The following PNCK variants were observed in gnomAD, a reference collection of about 807,000 sequenced individuals.
PNCK encodes calcium/calmodulin-dependent protein kinase type 1B.
In PNCK, 21 loss-of-function variants were observed where a neutral mutation model predicts 28.3. The ratio of observed to expected loss-of-function variants is 0.74; its 90% confidence interval spans 0.53 to 1.07. PNCK has a LOEUF of 1.07. PNCK is among the 50% of genes least tolerant of loss of function. PNCK has a pLI of 0.00. For missense variants in PNCK, 250 were observed against 298.3 expected, an observed-to-expected ratio of 0.84 and a Z score of 1.19; for synonymous variants, 136 against 125.2, an observed-to-expected ratio of 1.09 and a Z score of -0.58.
intron 11 of PNCK, 138 bp from the exon 12 acceptor site, chrX:153,670,268 C>T: frequency 1.6e-6 from 1 of 614,905 alleles, no homozygotes; most frequent in Non-Finnish European, 2.5e-6. Context: ...ATGTCAAGCA[C>T]CCACTGGCCC....
Position 153,672,712 on chromosome X carries a change from G to A in PNCK, c.69-15C>T. ...AGAAGGCACCCCTGCCGCAGACGGG[G>A]CGGTGGGAGGTGGGAAGGAAGTGGG... On this transcript the variant is annotated splice_polypyrimidine_tract_variant and intron_variant, in intron 2 of 11. Transcript: ENST00000340888. 1 of 1,192,724 alleles carries A rather than the reference G, an allele frequency of 8.4e-7. No homozygotes were observed. Among genetic ancestry groups the A allele is most frequent in the Non-Finnish European group, 1.1e-6 (1 of 889,393 alleles).
chrX:153,671,302 G>A lies in PNCK; in HGVS notation c.597C>T (p.Gly199=), dbSNP rs781838608. ...YGKAVDVWAL[G]VISYILLCGY... is the part of the protein sequence containing the mutation. ...TCACTCACAGGATGTAGGAGATGAC[G>A]CCCAGGGCCCACACATCTACGGCCT... Residue 199 remains glycine, a synonymous_variant, in exon 7 of 12, where the codon GGC becomes GGT. Coordinates refer to ENST00000340888, the MANE Select transcript of PNCK (RefSeq NM_001366977.1). 6 of 1,208,441 alleles carry A rather than the reference G, an allele frequency of 5.0e-6. No homozygotes were observed. Among genetic ancestry groups the A allele is most frequent in the Non-Finnish European group, 6.7e-6 (6 of 894,086 alleles).
chrX:153,683,243 C>T (rs1458259128), intron 1 of PNCK, among the ~76,000 whole-genome samples: 4 of 111,503 alleles, frequency 3.6e-5, no homozygotes, highest in Non-Finnish European at 5.6e-5. Flanking sequence ...CAGGTTCAAG[C>T]GATTCTCCTG....
rs201271892 is a variant in PNCK, at chrX:153,671,823, AAGGC to A, written c.414+53_414+56del. ...CCCCAGCCGTGCTCCCGGGAAAACA[AAGGC>A]AGGGCCAGGTGGGCAGGTGGGAGGG... On this transcript the variant is annotated intron_variant, in intron 5 of 11. Transcript: ENST00000340888. 5,875 of 1,190,370 alleles carry A rather than the reference AAGGC, an allele frequency of 4.9e-3. 189 individuals are homozygous for A. The African/African-American group carries it at 0.088, about 18-fold the overall frequency.
chrX:153,677,355 A>G (rs1256702182), upstream of PNCK, among the ~76,000 whole-genome samples: 3 of 109,892 alleles, frequency 2.7e-5, no homozygotes, highest in African/African-American at 1.0e-4. Flanking sequence ...CTCATCCCTT[A>G]TATTTCCTGA....
chrX:153,673,696 G>A (rs1334463746), intron 1 of PNCK, 84 bp downstream of exon 1: 4 of 541,479 alleles, frequency 7.4e-6, no homozygotes, highest in East Asian at 1.8e-4. Context: ...GGTGTGCTGC[G>A]GACGCGCAAG....
At position 153,672,568 on chromosome X, in the gene PNCK, A is replaced by G; in HGVS notation, c.198T>C (p.Arg66=). 8.3e-7 allele frequency: 1 copy of G among 1,205,630 alleles called. No individual in the cohort carries two copies. The highest frequency in any genetic ancestry group is 1.1e-6 in the Non-Finnish European group (1 of 895,021). Residue 66 remains arginine (R), a splice_region_variant and synonymous_variant, in exon 3 of 12, where the codon CGT becomes CGC. Transcript: ENST00000340888. ...ALVENEIAVL[R]RISHPNIVAL... is the part of the protein sequence containing the mutation. ...CCAGGGCCCCGCGAGGTGCGCACCT[A>G]CGGAGCACTGCGATCTCGTTCTCCA...
intron 1 of PNCK, chrX:153,687,125 G>C (rs2266866): frequency 0.11 from 15,098 of 138,203 alleles, 724 homozygotes; most frequent in South Asian, 0.2. Context: ...GCTCTTGCTA[G>C]GGAGGCCTGG....
In PNCK at chrX:153,669,860, G is replaced by T. The variant is rs1557039025; in HGVS notation, c.*278C>A. The T allele has an allele frequency of 2.9e-6, 1 of 342,644 alleles. No individual in the cohort carries two copies. The highest frequency in any genetic ancestry group is 5.9e-6 in the Non-Finnish European group (1 of 170,235). The allele number at this position is 342,644 out of a possible 1,213,427, so 28.2% of individuals were successfully genotyped here. A position where few individuals can be genotyped will look rare whatever the true frequency, so the allele number is the denominator to read the frequency against. On this transcript the variant is annotated 3_prime_UTR_variant, in exon 12 of 12. Transcript: ENST00000340888. ...GCCGTGCAGGAAAGACAGCCCCTGAGGCCCGCCTGCCAGCACCCCCTCGGC... is the reference window on the plus strand; with the variant it reads ...GCCGTGCAGGAAAGACAGCCCCTGATGCCCGCCTGCCAGCACCCCCTCGGC...
rs1448524809 is a variant in PNCK, at chrX:153,673,322, A to T, written c.-2-244T>A. 5 of 1,148,865 alleles carry T rather than the reference A, an allele frequency of 4.4e-6. No individual in the cohort carries two copies. The Admixed American group carries it at 1.4e-4, about 31-fold the overall frequency. The allele number at this position is 1,148,865 out of a possible 1,213,427, so 94.7% of individuals were successfully genotyped here. On this transcript the variant is annotated intron_variant, in intron 1 of 11. Coordinates refer to ENST00000340888, the MANE Select transcript of PNCK (RefSeq NM_001366977.1). ...CACCCTCCCCCGCACCCCGAAGGCG[A>T]CCAGCGCCTGGATGCTGCCTCTCTG...
At chrX:153,678,795 C>A (rs6643760), upstream of PNCK, among the ~76,000 whole-genome samples, 10,393 of 109,693 alleles carry the variant, frequency 0.095, 445 homozygotes, top group South Asian at 0.14. Flanking sequence ...AGCACGATCC[C>A]CTCTCTCAGA....
intron 1 of PNCK, among the ~76,000 whole-genome samples, chrX:153,682,990 A>G (rs2091401818): frequency 8.9e-6 from 1 of 112,436 alleles, no homozygotes; most frequent in Non-Finnish European, 1.9e-5. Flanking sequence ...GTGTGAGACA[A>G]TCTGCCCACC....
At position 153,671,928 on chromosome X, in the gene PNCK, G is replaced by A. The variant is rs1486958430; in HGVS notation, c.366C>T (p.Gly122=). 1.2e-5 allele frequency: 14 copies of A among 1,208,465 alleles called. No individual in the cohort carries two copies. The highest frequency in any genetic ancestry group is 1.8e-5 in the South Asian group (1 of 56,644). Residue 122 remains glycine (G), a synonymous_variant, in exon 5 of 12, where the codon GGC becomes GGT. Coordinates refer to ENST00000340888, the MANE Select transcript of PNCK (RefSeq NM_001366977.1). The stretch of plus-strand genomic sequence containing the variant: ...CCAGGCTGTGCAGGTAGGAGACGGC[G>A]CCAAGGACCTGACCCACCAGATGGC... ...DASHLVGQVL[G]AVSYLHSLGI...
chrX:153,687,758 C>T (rs2091427625), upstream of PNCK: 1 of 235,903 alleles, frequency 4.2e-6, no homozygotes, highest in African/African-American at 3.4e-5. Context: ...GGAGCGGCGT[C>T]TCCTCCCCGG....
upstream of PNCK, among the ~76,000 whole-genome samples, chrX:153,679,274 G>A (rs5987129): frequency 9.1e-6 from 1 of 109,611 alleles, no homozygotes; most frequent in Non-Finnish European, 1.9e-5. Flanking sequence ...CAGGGTGGCT[G>A]TACCTCGTCA....
chrX:153,679,758 G>C (rs1218376535), upstream of PNCK, among the ~76,000 whole-genome samples: 1 of 109,017 alleles, frequency 9.2e-6, no homozygotes, highest in African/African-American at 3.4e-5. Context: ...TTTTAGTAGA[G>C]GCAGGGTTTC....
chrX:153,677,590 A>ATATATATATAGTGTGTATATATATAGTG (rs782153471), upstream of PNCK, among the ~76,000 whole-genome samples: 12 of 95,079 alleles, frequency 1.3e-4, no homozygotes, highest in East Asian at 6.3e-4. Context: ...TATAGTGTAT[A>ATATATATATAGTGTGTATATATATAGTG]TATATATATA....
chrX:153,672,173 C>T lies in PNCK; in HGVS notation c.228G>A (p.Leu76=). 8.3e-7 allele frequency: 1 copy of T among 1,206,690 alleles called. No individual in the cohort carries two copies. The highest frequency in any genetic ancestry group is 1.1e-6 in the Non-Finnish European group (1 of 892,954). The change falls in exon 4 of 12, where the codon CTG becomes CTA. Residue 76 remains leucine (L), a synonymous_variant. Coordinates refer to ENST00000340888, the MANE Select transcript of PNCK (RefSeq NM_001366977.1). The stretch of plus-strand genomic sequence containing the variant: ...GGGAAGGGCTCTCGTGGACATCCTC[C>T]AGAGCGACGATGTTGGGGTGACTGA... ...RRISHPNIVA[L]EDVHESPSHL...
At chrX:153,673,980 G>T, upstream of PNCK, 3 of 1,158,835 alleles carry the variant, frequency 2.6e-6, no homozygotes, top group Non-Finnish European at 3.4e-6. Flanking sequence ...CCACCGCCCA[G>T]CCCACTGCTC....
Sources: allele counts gnomAD v4.1 joint callset (sites outside exome capture counted in the v4.1 genomes callset), GRCh38; gene constraint gnomAD v4.1.1; transcripts MANE v1.5; gene names NCBI Gene and HGNC (gene_info 2026-07-23, HGNC 2026-07-21).